The following KCNH1 variants were observed in gnomAD, a reference collection of about 807,000 sequenced individuals.
The protein encoded by KCNH1 is potassium voltage-gated channel subfamily H member 1.
A neutral mutation model predicts 69.2 loss-of-function variants in KCNH1; 27 were observed. The ratio of observed to expected loss-of-function variants is 0.39; its 90% CI spans 0.29 to 0.54. The LOEUF is 0.54. Among genes scored for constraint, KCNH1 ranks in the 20% least tolerant of loss-of-function variants. KCNH1 has a pLI of 0.68. For missense variants in KCNH1, 798 were observed against 1,261.6 expected, an observed-to-expected ratio of 0.63 and a Z score of 5.57; for synonymous variants, 456 against 487.7, an observed-to-expected ratio of 0.93 and a Z score of 0.86.
intron 5 of KCNH1, among the ~76,000 whole-genome samples, chr1:211,021,432 A>C (rs554005365): frequency 4.6e-5 from 7 of 152,176 alleles, no homozygotes; most frequent in Non-Finnish European, 1.0e-4. Context: ...GCCCATTTTC[A>C]CCACTGTTAT....
At chr1:210,733,825 G>A (rs1353402183) in intron 10 of KCNH1, among the ~76,000 whole-genome samples, 1 of 152,146 alleles carries the variant, frequency 6.6e-6, no homozygotes, top group Non-Finnish European at 1.5e-5. Flanking sequence ...AGGACAAGGA[G>A]AAGGGCAGGT....
intron 6 of KCNH1, among the ~76,000 whole-genome samples, chr1:211,014,079 G>A (rs542255354): frequency 3.3e-5 from 5 of 152,138 alleles, no homozygotes; most frequent in Non-Finnish European, 7.3e-5. Flanking sequence ...ACAGAGCCAG[G>A]GATAGAAAAA....
rs115374684 is a variant in KCNH1, at chr1:210,832,604, G to T, written c.1463-28438C>A. ...CTCCATCAGGGAACAGATAACAAAA[G>T]GTAACCTCAAAAAAAAGTCAATGTT... On this transcript the variant is annotated intron_variant, in intron 7 of 10. Transcript: ENST00000271751. 5.4e-3 allele frequency among the ~76,000 whole-genome samples: 825 copies of T among 151,896 alleles called. 8 individuals are homozygous for T. Among genetic ancestry groups the T allele is most frequent in the African/African-American group, 0.019 (790 of 41,474 alleles).
chr1:210,686,868 T>C (rs1681419214), intron 10 of KCNH1, among the ~76,000 whole-genome samples: 1 of 152,214 alleles, frequency 6.6e-6, no homozygotes, highest in African/African-American at 2.4e-5. Context: ...TTGCTTATTA[T>C]TTGCCCTAAA....
chr1:210,937,965 A>C (rs1245942202), intron 6 of KCNH1, among the ~76,000 whole-genome samples: 1 of 152,060 alleles, frequency 6.6e-6, no homozygotes, highest in Non-Finnish European at 1.5e-5. Flanking sequence ...CCATCTATTC[A>C]CTAATGACCT....
chr1:211,118,432 C>T (rs187178664), intron 1 of KCNH1, among the ~76,000 whole-genome samples: 3 of 152,172 alleles, frequency 2.0e-5, no homozygotes, highest in Non-Finnish European at 4.4e-5. Context: ...TCTGAAAGTT[C>T]CCCTGCGTCC....
intron 9 of KCNH1, among the ~76,000 whole-genome samples, chr1:210,794,256 T>C (rs1684263330): frequency 1.3e-5 from 2 of 152,166 alleles, no homozygotes; most frequent in African/African-American, 4.8e-5. Context: ...TTTTAGAGAA[T>C]AAGAGCCCCA....
intron 10 of KCNH1, among the ~76,000 whole-genome samples, chr1:210,716,078 C>A (rs1185980974): frequency 6.6e-6 from 1 of 152,120 alleles, no homozygotes; most frequent in African/African-American, 2.4e-5. Flanking sequence ...GCCCCCTCCC[C>A]CCGCCATTTC....
At chr1:210,817,960 A>G (rs1480748466) in intron 7 of KCNH1, among the ~76,000 whole-genome samples, 1 of 152,172 alleles carries the variant, frequency 6.6e-6, no homozygotes, top group African/African-American at 2.4e-5. Flanking sequence ...TGCTAGCAGC[A>G]CATCCCAGTT....
At chr1:210,858,077 T>A (rs1685894970) in intron 7 of KCNH1, 1 of 152,200 alleles carries the variant, frequency 6.6e-6, no homozygotes. Flanking sequence ...TCACAATTGT[T>A]ATAAATTGTT....
intron 7 of KCNH1, among the ~76,000 whole-genome samples, chr1:210,886,245 G>GGCAAACAGGGTCTGGAGTGGACCTCCA (rs1478802459): frequency 1.3e-5 from 2 of 152,178 alleles, no homozygotes; most frequent in African/African-American, 4.8e-5. Flanking sequence ...GTGATACCCA[G>GGCAAACAGGGTCTGGAGTGGACCTCCA]GCAAACAGGG....
chr1:210,819,734 G>A (rs1400842418), intron 7 of KCNH1, among the ~76,000 whole-genome samples: 1 of 152,154 alleles, frequency 6.6e-6, no homozygotes, highest in Non-Finnish European at 1.5e-5. Context: ...TGTTGTTGTT[G>A]ATGAAATTCT....
At chr1:211,052,749 C>T in intron 5 of KCNH1, among the ~76,000 whole-genome samples, 1 of 152,196 alleles carries the variant, frequency 6.6e-6, no homozygotes, top group East Asian at 1.9e-4. Flanking sequence ...TGGGTATGGC[C>T]TCAGCTCTAC....
At chr1:211,075,539 G>A (rs934660532) in intron 5 of KCNH1, among the ~76,000 whole-genome samples, 1 of 152,198 alleles carries the variant, frequency 6.6e-6, no homozygotes, top group South Asian at 2.1e-4. Flanking sequence ...AGGAGATTTG[G>A]AGTCAAGAAG....
intron 10 of KCNH1, among the ~76,000 whole-genome samples, chr1:210,727,878 TA>T (rs1233666959): frequency 2.0e-5 from 3 of 152,220 alleles, no homozygotes; most frequent in Non-Finnish European, 4.4e-5. Flanking sequence ...TCTGCACAGC[TA>T]ATCTCAAGGG....
intron 5 of KCNH1, among the ~76,000 whole-genome samples, chr1:211,046,269 A>G (rs1446396995): frequency 6.6e-6 from 1 of 152,184 alleles, no homozygotes; most frequent in Non-Finnish European, 1.5e-5. Context: ...CATTCTTAAA[A>G]TACTATTATA....
At chr1:210,961,268 C>T (rs1205943858) in intron 6 of KCNH1, among the ~76,000 whole-genome samples, 2 of 151,826 alleles carry the variant, frequency 1.3e-5, no homozygotes, top group East Asian at 1.9e-4. Flanking sequence ...TTTTTCCCAG[C>T]ATGAGGCTTG....
intron 1 of KCNH1, chr1:211,132,950 G>A (rs547854271): frequency 6.6e-6 from 1 of 152,284 alleles, no homozygotes; most frequent in Non-Finnish European, 1.5e-5. Context: ...TGTTAAGTCC[G>A]AAAGGCGTTT....
intron 6 of KCNH1, among the ~76,000 whole-genome samples, chr1:210,979,189 C>T (rs1196228281): frequency 6.6e-6 from 1 of 152,144 alleles, no homozygotes; most frequent in Non-Finnish European, 1.5e-5. Context: ...CTTGCCCTGG[C>T]CAAACCTCGA....
Sources: allele counts gnomAD v4.1 joint callset (sites outside exome capture counted in the v4.1 genomes callset), GRCh38; gene constraint gnomAD v4.1.1; transcripts MANE v1.5; gene names NCBI Gene and HGNC (gene_info 2026-07-23, HGNC 2026-07-21).